The following HSDL2 variants were observed in gnomAD, a reference collection of about 807,000 sequenced individuals.
The protein encoded by HSDL2 is hydroxysteroid dehydrogenase-like protein 2.
In HSDL2, 27 loss-of-function variants were observed where a neutral mutation model predicts 46.3. That is an observed-to-expected ratio of 0.58 (90% CI 0.43 to 0.80). HSDL2 has a LOEUF of 0.80. Among genes scored for constraint, HSDL2 ranks in the 30% least tolerant of loss-of-function variants. The pLI is 0.00. For missense variants in HSDL2, 451 were observed against 502.7 expected, an observed-to-expected ratio of 0.90 and a Z score of 0.98; for synonymous variants, 153 against 163.6, an observed-to-expected ratio of 0.94 and a Z score of 0.50.
intron 6 of HSDL2, among the ~76,000 whole-genome samples, chr9:112,419,614 C>G (rs780444321): frequency 5.9e-5 from 9 of 152,188 alleles, no homozygotes; most frequent in Middle Eastern, 3.2e-3. Context: ...GATTCTCATA[C>G]TTTTGTTTTC....
At chr9:112,396,997 A>G (rs748634583) in intron 1 of HSDL2, among the ~76,000 whole-genome samples, 2 of 152,162 alleles carry the variant, frequency 1.3e-5, no homozygotes, top group African/African-American at 2.4e-5. Context: ...GTTCTGTGGC[A>G]AGGGATTTCC....
chr9:112,417,477 T>TAAAAAAAAAAAAAAAAAACAAAAAAAAA (rs1832019068), intron 5 of HSDL2, among the ~76,000 whole-genome samples: 1 of 111,120 alleles, frequency 9.0e-6, no homozygotes, highest in African/African-American at 3.4e-5. Context: ...ACCCTGACTC[T>TAAAAAAAAAAAAAAAAAACAAAAAAAAA]AAAAAAAAAA....
Position 112,471,003 on chromosome 9 carries a change from A to G in HSDL2, c.*459A>G, listed in dbSNP as rs1833561571. 6.6e-6 allele frequency: 1 copy of G among 152,260 alleles called. No homozygotes were observed. The highest frequency in any genetic ancestry group is 2.4e-5 in the African/African-American group (1 of 41,454). 9.4% of individuals were successfully genotyped at this position (152,260 alleles called of 1,614,324 possible). On this transcript the variant is annotated 3_prime_UTR_variant, in exon 11 of 11. Coordinates refer to ENST00000398805, the MANE Select transcript of HSDL2 (RefSeq NM_032303.5). Reference sequence around the variant, plus strand: ...TATTTTAAAGAAAATCTTATATAGTACATTTTACAAAAATTATAAAAAATG... The same window carrying G: ...TATTTTAAAGAAAATCTTATATAGTGCATTTTACAAAAATTATAAAAAATG...
intron 8 of HSDL2, among the ~76,000 whole-genome samples, chr9:112,452,514 A>C (rs981875110): frequency 6.6e-6 from 1 of 152,190 alleles, no homozygotes; most frequent in Non-Finnish European, 1.5e-5. Context: ...TGGGAGGCCA[A>C]TGTGGGTGGA....
intron 1 of HSDL2, among the ~76,000 whole-genome samples, chr9:112,392,433 A>C (rs1188842401): frequency 1.3e-5 from 2 of 152,202 alleles, no homozygotes; most frequent in Non-Finnish European, 2.9e-5. Flanking sequence ...GCACTGCAGG[A>C]GACCAGAGCG....
chr9:112,429,618 A>G (rs1447325953), intron 6 of HSDL2, among the ~76,000 whole-genome samples: 1 of 152,232 alleles, frequency 6.6e-6, no homozygotes. Flanking sequence ...CAAAAGAGAT[A>G]TCAATCGCTG....
chr9:112,468,424 CCTT>C (rs757714712), intron 10 of HSDL2, among the ~76,000 whole-genome samples: 6 of 151,916 alleles, frequency 3.9e-5, no homozygotes, highest in African/African-American at 7.3e-5. Context: ...GATCGACTCA[CCTT>C]CTTTTTCCTA....
chr9:112,459,262 G>C (rs893492654), intron 9 of HSDL2, among the ~76,000 whole-genome samples, 187 bp from the exon 10 acceptor site: 1 of 151,692 alleles, frequency 6.6e-6, no homozygotes, highest in Non-Finnish European at 1.5e-5. Context: ...TTTTATTGAA[G>C]AGTCTTCAGA....
At chr9:112,468,704 C>G (rs1587976190) in intron 10 of HSDL2, among the ~76,000 whole-genome samples, 1 of 152,120 alleles carries the variant, frequency 6.6e-6, no homozygotes, top group East Asian at 1.9e-4. Flanking sequence ...TTTCTTTTAT[C>G]TCTGAGGGCA....
At position 112,438,606 on chromosome 9, in the gene HSDL2, C is replaced by T. The variant is rs370627456; in HGVS notation, c.774C>T (p.Asp258=). 5.0e-5 allele frequency: 79 copies of T among 1,587,422 alleles called. No homozygotes were observed. The highest frequency in any genetic ancestry group is 1.4e-4 in the Admixed American group (8 of 57,088). Reference sequence around the variant, plus strand: ...AAGAAGAAGGAATAGAAAATTTTGACGTTTATGCAATTAAACCAGGTAATG... The same window carrying T: ...AAGAAGAAGGAATAGAAAATTTTGATGTTTATGCAATTAAACCAGGTAATG... ...ILKEEGIENF[D]VYAIKPGHPL... is the part of the protein sequence containing the mutation. The change falls in exon 7 of 11, where the codon GAC becomes GAT. Residue 258 remains aspartate (D), a synonymous_variant. Coordinates refer to ENST00000398805, the MANE Select transcript of HSDL2 (RefSeq NM_032303.5).
intron 6 of HSDL2, among the ~76,000 whole-genome samples, chr9:112,426,700 G>A (rs1280166368): frequency 6.6e-6 from 1 of 152,112 alleles, no homozygotes; most frequent in African/African-American, 2.4e-5. Context: ...ATGAAATAAA[G>A]AACCAGTCCC....
intron 6 of HSDL2, among the ~76,000 whole-genome samples, chr9:112,421,763 G>A (rs763562682): frequency 2.6e-5 from 4 of 152,132 alleles, no homozygotes; most frequent in Non-Finnish European, 5.9e-5. Flanking sequence ...TGAATTTGCC[G>A]GCAGAGGGGG....
chr9:112,420,854 A>T (rs184508472), intron 6 of HSDL2, among the ~76,000 whole-genome samples: 126 of 152,288 alleles, frequency 8.3e-4, no homozygotes, highest in Non-Finnish European at 1.3e-3. Context: ...TTTAGAAATA[A>T]CTCAATAACT....
chr9:112,388,786 T>A (rs1218980025), intron 1 of HSDL2, among the ~76,000 whole-genome samples: 4 of 146,560 alleles, frequency 2.7e-5, no homozygotes, highest in African/African-American at 5.2e-5. Context: ...TTATATTTTT[T>A]AAAAAAGGAG....
intron 1 of HSDL2, among the ~76,000 whole-genome samples, chr9:112,385,354 A>T (rs1240243616): frequency 6.6e-6 from 1 of 152,030 alleles, no homozygotes; most frequent in Non-Finnish European, 1.5e-5. Flanking sequence ...TTTGAGATGG[A>T]GTCTTGCTCT....
chr9:112,456,887 G>T (rs188271634), intron 9 of HSDL2, among the ~76,000 whole-genome samples: 1 of 152,208 alleles, frequency 6.6e-6, no homozygotes, highest in Non-Finnish European at 1.5e-5. Context: ...TCCCTGGGTG[G>T]CTCGTGCCTA....
At chr9:112,425,232 C>A (rs1832219442) in intron 6 of HSDL2, among the ~76,000 whole-genome samples, 1 of 152,106 alleles carries the variant, frequency 6.6e-6, no homozygotes, top group Non-Finnish European at 1.5e-5. Flanking sequence ...TAAGGTCTTA[C>A]TTGATTTGCT....
At chr9:112,390,772 G>A (rs1831324710) in intron 1 of HSDL2, among the ~76,000 whole-genome samples, 1 of 151,764 alleles carries the variant, frequency 6.6e-6, no homozygotes. Flanking sequence ...AACTTTAAAG[G>A]GTAAACCATA....
Position 112,456,026 on chromosome 9 carries a change from T to C in HSDL2, c.1015+1864T>C, listed in dbSNP as rs369522522. Among the ~76,000 whole-genome samples, 8 of 152,318 alleles carry C rather than the reference T, an allele frequency of 5.3e-5. No individual in the cohort carries two copies. In the South Asian group the frequency reaches 1.7e-3, roughly 32 times the overall value. ...GAGATTCTGCATGTCTGACAGGTAA[T>C]GACAGTATTGCAGTCCATGGATCAT... On this transcript the variant is annotated intron_variant, in intron 9 of 10. Coordinates refer to ENST00000398805, the MANE Select transcript of HSDL2 (RefSeq NM_032303.5).
Sources: gnomAD v4.1 joint callset for allele counts (sites outside exome capture counted in the v4.1 genomes callset) on GRCh38, gnomAD v4.1.1 for gene constraint, MANE v1.5 for transcripts, NCBI Gene and HGNC (gene_info 2026-07-23, HGNC 2026-07-21) for gene names.